The following CDK12 variants were observed in gnomAD, a reference collection of about 807,000 sequenced individuals.
CDK12 encodes the protein cyclin dependent kinase 12.
In CDK12, 17 loss-of-function variants were observed where a neutral mutation model predicts 133.8. The ratio of observed to expected loss-of-function variants is 0.13; its 90% CI spans 0.09 to 0.19. CDK12 has a LOEUF of 0.19. Among genes scored for constraint, CDK12 ranks in the 10% least tolerant of loss-of-function variants. CDK12 has a pLI of 1.00. For synonymous variants in CDK12, 694 were observed against 683.6 expected (o/e 1.02, Z -0.24); for missense variants, 1,508 against 1,818.7 (o/e 0.83, Z 3.11).
At chr17:39,505,227 CAAAAAA>C (rs149103539) in intron 6 of CDK12, among the ~76,000 whole-genome samples, 1 of 47,618 alleles carries the variant, frequency 2.1e-5, no homozygotes, top group African/African-American at 8.4e-5. Context: ...GACTCCGTTT[CAAAAAA>C]AAAAAAAAAA....
intron 7 of CDK12, 54 bp from the exon 8 acceptor site, chr17:39,511,475 T>G: frequency 8.7e-7 from 1 of 1,146,974 alleles, no homozygotes; most frequent in East Asian, 2.4e-5. Context: ...TATGTGAATA[T>G]TTTTCATCAG....
intron 13 of CDK12, among the ~76,000 whole-genome samples, chr17:39,527,342 C>G (rs1324535134): frequency 6.6e-6 from 1 of 152,160 alleles, no homozygotes; most frequent in Non-Finnish European, 1.5e-5. Context: ...TCAGCTGATG[C>G]CTCTACAGTG....
In CDK12 at chr17:39,494,397, T is replaced by G. The variant is rs1339177290; in HGVS notation, c.2249-127T>G. On this transcript the variant is annotated intron_variant, in intron 4 of 13. Coordinates refer to ENST00000447079, the MANE Select transcript of CDK12 (RefSeq NM_016507.4). The stretch of plus-strand genomic sequence containing the variant: ...CTAGAGTTTACTTTTTAAAGGTGTA[T>G]AAGTATCTCGTGTAAGCATTAAAGT... The G allele has an allele frequency of 4.1e-6, 3 of 739,600 alleles. No homozygotes were observed. The East Asian group carries it at 8.1e-5, about 20-fold the overall frequency. 45.8% of individuals were successfully genotyped at this position (739,600 alleles called of 1,614,324 possible).
At chr17:39,527,227 G>A (rs1389374419) in intron 13 of CDK12, among the ~76,000 whole-genome samples, 1 of 152,228 alleles carries the variant, frequency 6.6e-6, no homozygotes, top group East Asian at 1.9e-4. Context: ...GGTGCAGAAA[G>A]TATATGTTTT....
chr17:39,513,667 G>A lies in CDK12; in HGVS notation c.2768+2037G>A, dbSNP rs375705336. Among the ~76,000 whole-genome samples the A allele has an allele frequency of 1.1e-4, 16 of 152,206 alleles. No individual in the cohort carries two copies. In the East Asian group the frequency reaches 3.1e-3, roughly 29 times the overall value. Reference sequence around the variant, plus strand: ...ATAATGAAGATGTCTTCCCACCAAAGGACTGGAAACCAAAAGAAAAGAAAA... The same window carrying A: ...ATAATGAAGATGTCTTCCCACCAAAAGACTGGAAACCAAAAGAAAAGAAAA... On this transcript the variant is annotated intron_variant, in intron 8 of 13. Coordinates refer to ENST00000447079, the MANE Select transcript of CDK12 (RefSeq NM_016507.4).
At chr17:39,479,107 G>C (rs1324372880) in intron 2 of CDK12, among the ~76,000 whole-genome samples, 2 of 151,984 alleles carry the variant, frequency 1.3e-5, no homozygotes, top group Non-Finnish European at 2.9e-5. Flanking sequence ...AGGAGATCGA[G>C]ACCATCCTGG....
chr17:39,486,741 G>A (rs1442188438), intron 2 of CDK12, among the ~76,000 whole-genome samples: 1 of 152,080 alleles, frequency 6.6e-6, no homozygotes, highest in Non-Finnish European at 1.5e-5. Context: ...GGGTGCGGTG[G>A]CTCATGTCTG....
At chr17:39,484,729 A>T (rs1362193026) in intron 2 of CDK12, among the ~76,000 whole-genome samples, 1 of 152,160 alleles carries the variant, frequency 6.6e-6, no homozygotes, top group South Asian at 2.1e-4. Flanking sequence ...CCAAAAATCT[A>T]GAAATCCTCC....
At chr17:39,538,013 C>T (rs956450798), downstream of CDK12, among the ~76,000 whole-genome samples, 2 of 152,202 alleles carry the variant, frequency 1.3e-5, no homozygotes, top group African/African-American at 4.8e-5. Context: ...AAAGAATTCC[C>T]CTTAATTACA....
At chr17:39,511,657 G>T in intron 8 of CDK12, 27 bp downstream of exon 8, 1 of 1,458,198 alleles carries the variant, frequency 6.9e-7, no homozygotes, top group South Asian at 1.2e-5. Flanking sequence ...TTTTTCTTTT[G>T]TCTGTAACTT....
At chr17:39,497,894 C>T (rs796830972) in intron 5 of CDK12, among the ~76,000 whole-genome samples, 8 of 152,180 alleles carry the variant, frequency 5.3e-5, no homozygotes, top group African/African-American at 1.7e-4. Context: ...CTTGGGCCAC[C>T]GCACCCAGCG....
chr17:39,504,810 CAG>C (rs1162887959), intron 6 of CDK12, among the ~76,000 whole-genome samples: 1 of 127,008 alleles, frequency 7.9e-6, no homozygotes, highest in Non-Finnish European at 1.6e-5. Context: ...ACCTGGGACA[CAG>C]AGGTTGCAGT....
At chr17:39,480,037 C>T (rs2050515811) in intron 2 of CDK12, among the ~76,000 whole-genome samples, 1 of 151,618 alleles carries the variant, frequency 6.6e-6, no homozygotes, top group Non-Finnish European at 1.5e-5. Flanking sequence ...GATTTTCCTG[C>T]CTCAGCTGCC....
chr17:39,525,350 T>C (rs1309125585), intron 12 of CDK12, among the ~76,000 whole-genome samples: 2 of 152,248 alleles, frequency 1.3e-5, no homozygotes, highest in Non-Finnish European at 2.9e-5. Flanking sequence ...TGAACTGTTA[T>C]AACAAAGTAG....
chr17:39,504,970 C>T (rs2052999235), intron 6 of CDK12, among the ~76,000 whole-genome samples: 1 of 150,894 alleles, frequency 6.6e-6, no homozygotes, highest in African/African-American at 2.4e-5. Flanking sequence ...GTGGCTCACA[C>T]CTGTAATCCC....
At chr17:39,463,892 CTG>C (rs375087110) in intron 1 of CDK12, among the ~76,000 whole-genome samples, 65 of 152,084 alleles carry the variant, frequency 4.3e-4, no homozygotes, top group African/African-American at 1.5e-3. Flanking sequence ...ATTTGGAAAA[CTG>C]TGTTCTTGTT....
chr17:39,479,379 A>G (rs1373532512), intron 2 of CDK12, among the ~76,000 whole-genome samples: 1 of 151,012 alleles, frequency 6.6e-6, no homozygotes, highest in Non-Finnish European at 1.5e-5. Context: ...TTATCTTCTC[A>G]CTCGAGACTG....
chr17:39,462,035 G>C lies in CDK12; in HGVS notation c.-37G>C, dbSNP rs765735241. ...TGGGGGTTGCTTTTTGGAGTGCTGG[G>C]GAACTTTTTTCCCTTCTTCAGGTCA... On this transcript the variant is annotated 5_prime_UTR_variant, in exon 1 of 14. Coordinates refer to ENST00000447079, the MANE Select transcript of CDK12 (RefSeq NM_016507.4). The C allele has an allele frequency of 4.8e-5, 75 of 1,568,044 alleles. No individual in the cohort carries two copies. The highest frequency in any genetic ancestry group is 6.3e-5 in the Non-Finnish European group (72 of 1,147,022).
At chr17:39,536,163 G>C (rs1034478909), downstream of CDK12, among the ~76,000 whole-genome samples, 5 of 152,112 alleles carry the variant, frequency 3.3e-5, no homozygotes, top group African/African-American at 4.8e-5. Flanking sequence ...GTACGCAACT[G>C]TCTCTCCATC....
Sources: allele counts gnomAD v4.1 joint callset (sites outside exome capture counted in the v4.1 genomes callset), GRCh38; gene constraint gnomAD v4.1.1; transcripts MANE v1.5; gene names NCBI Gene and HGNC (gene_info 2026-07-23, HGNC 2026-07-21).